SV2C: variants seen among roughly 807,000 people sequenced by gnomAD.
The protein encoded by SV2C is solute carrier family 22 member B3.
Under a neutral mutation model 79.7 loss-of-function variants are expected in SV2C, and 49 were observed. The ratio of observed to expected loss-of-function variants is 0.61; its 90% CI spans 0.49 to 0.78. The LOEUF (loss-of-function observed/expected upper bound fraction) is 0.78. Among genes scored for constraint, SV2C ranks in the 30% least tolerant of loss-of-function variants. The probability of loss-of-function intolerance (pLI) is 0.00; values close to 1 mark genes in which losing one functional copy is unlikely to be tolerated. For missense variants in SV2C, 833 were observed against 912.9 expected (o/e 0.91, Z 1.13); for synonymous variants, 334 against 333.2 (o/e 1.00, Z -0.03).
intron 2 of SV2C, among the ~76,000 whole-genome samples, chr5:76,175,291 C>T (rs1021132885): frequency 2.6e-5 from 4 of 152,154 alleles, no homozygotes; most frequent in African/African-American, 9.7e-5. Flanking sequence ...GGACCTGAAA[C>T]ACAATATGAA....
chr5:75,946,151 T>C, the SV2C span, among the ~76,000 whole-genome samples: 1 of 152,166 alleles, frequency 6.6e-6, no homozygotes, highest in Non-Finnish European at 1.5e-5. Context: ...AGTCTCTACC[T>C]GGATTGACCA....
chr5:76,206,591 A>G (rs1328427289), intron 3 of SV2C, among the ~76,000 whole-genome samples: 2 of 152,252 alleles, frequency 1.3e-5, no homozygotes, highest in Non-Finnish European at 2.9e-5. Flanking sequence ...TCATGAGAAC[A>G]GATTACTCCA....
the SV2C span, among the ~76,000 whole-genome samples, chr5:75,938,221 G>A: frequency 1.3e-4 from 20 of 152,200 alleles, no homozygotes; most frequent in African/African-American, 3.1e-4. Context: ...TGTGTTGCTC[G>A]AGGACTGGTG....
At chr5:76,071,137 C>T in the SV2C span, among the ~76,000 whole-genome samples, 1 of 152,198 alleles carries the variant, frequency 6.6e-6, no homozygotes, top group Non-Finnish European at 1.5e-5. Context: ...CTCCACAGTC[C>T]TCAAACACAG....
At chr5:76,173,425 A>G (rs1412779235) in intron 2 of SV2C, among the ~76,000 whole-genome samples, 5 of 152,220 alleles carry the variant, frequency 3.3e-5, no homozygotes, top group African/African-American at 1.2e-4. Context: ...GGACTATTAT[A>G]TAAGTAAAAA....
At chr5:76,163,025 A>G (rs1013605809) in intron 2 of SV2C, among the ~76,000 whole-genome samples, 2 of 152,216 alleles carry the variant, frequency 1.3e-5, no homozygotes, top group Non-Finnish European at 2.9e-5. Flanking sequence ...AGAGGAATCC[A>G]GTTTAGAGGC....
At chr5:75,875,981 T>C in the SV2C span, among the ~76,000 whole-genome samples, 13 of 151,284 alleles carry the variant, frequency 8.6e-5, no homozygotes, top group African/African-American at 2.9e-4. Flanking sequence ...TTGGTGGGAG[T>C]GTAAATTAAC....
the SV2C span, among the ~76,000 whole-genome samples, chr5:75,866,764 G>A: frequency 0.051 from 7,781 of 152,224 alleles, 684 homozygotes; most frequent in African/African-American, 0.18. Flanking sequence ...TATGCCATAA[G>A]CAGTAAGGCT....
intron 4 of SV2C, among the ~76,000 whole-genome samples, chr5:76,212,390 C>T (rs968055340): frequency 2.6e-5 from 4 of 152,158 alleles, no homozygotes; most frequent in African/African-American, 9.6e-5. Context: ...ATCATCTCTG[C>T]CAACTACTCA....
the SV2C span, among the ~76,000 whole-genome samples, chr5:76,036,100 G>C: frequency 6.6e-6 from 1 of 151,788 alleles, no homozygotes; most frequent in Non-Finnish European, 1.5e-5. Flanking sequence ...TTGCTTGGTA[G>C]ATCTTCCTCC....
At chr5:76,181,186 G>A (rs1332693132) in intron 2 of SV2C, among the ~76,000 whole-genome samples, 1 of 152,014 alleles carries the variant, frequency 6.6e-6, no homozygotes, top group South Asian at 2.1e-4. Flanking sequence ...CAACAGCTCC[G>A]ATCCAACCCT....
In SV2C at chr5:76,194,987, A is replaced by G. The variant is rs1188893343; in HGVS notation, c.649A>G (p.Arg217Gly). Reference protein sequence around the residue: ...FWGGLADKVGRKQSLLICMSV... With the variant: ...FWGGLADKVGGKQSLLICMSV... ...GGGAGGACTGGCAGACAAAGTGGGA[A>G]GGAAACAGTCTCTTCTGATTTGCAT... is the stretch of plus-strand genomic sequence containing the variant. The change falls in exon 3 of 13, where the codon AGG (arginine) becomes GGG (glycine). Residue 217 changes from arginine (R) to glycine (G), a missense_variant. By Grantham distance (125) the Arg-to-Gly change is moderately radical. Coordinates refer to ENST00000502798, the MANE Select transcript of SV2C (RefSeq NM_014979.4). 6.2e-7 allele frequency: 1 copy of G among 1,613,960 alleles called. No homozygotes were observed. The highest frequency in any genetic ancestry group is 1.3e-5 in the African/African-American group (1 of 74,916).
chr5:76,091,325 A>T (rs546590676), intron 1 of SV2C, among the ~76,000 whole-genome samples: 2 of 152,152 alleles, frequency 1.3e-5, no homozygotes, highest in Non-Finnish European at 1.5e-5. Context: ...TCTGACCCCA[A>T]TTGTGGCATT....
intron 4 of SV2C, among the ~76,000 whole-genome samples, chr5:76,241,018 G>C (rs565867809): frequency 6.6e-6 from 1 of 151,904 alleles, no homozygotes; most frequent in African/African-American, 2.4e-5. Flanking sequence ...TGGCAGTGGC[G>C]TGATCTCAGC....
At chr5:75,920,495 C>G in the SV2C span, among the ~76,000 whole-genome samples, 1 of 152,168 alleles carries the variant, frequency 6.6e-6, no homozygotes, top group Non-Finnish European at 1.5e-5. Context: ...ACCACAGCCA[C>G]CCAGTGGGCT....
the SV2C span, among the ~76,000 whole-genome samples, chr5:76,060,985 G>C: frequency 3.4e-4 from 52 of 152,054 alleles, 1 homozygote; most frequent in South Asian, 0.011. Flanking sequence ...CGAGGAGAGG[G>C]AGAAAGACTT....
At chr5:75,887,315 C>T in the SV2C span, among the ~76,000 whole-genome samples, 3 of 151,856 alleles carry the variant, frequency 2.0e-5, no homozygotes, top group Non-Finnish European at 4.4e-5. Context: ...GGACTTATTC[C>T]TCCTGTTTAA....
In SV2C at chr5:76,250,515, C is replaced by A. The variant is rs150114757; in HGVS notation, c.914-34647C>A. Among the ~76,000 whole-genome samples, 17 of 152,290 alleles carry A rather than the reference C, an allele frequency of 1.1e-4. 1 individual carries two copies. Among genetic ancestry groups the A allele is most frequent in the African/African-American group, 3.6e-4 (15 of 41,564 alleles). On this transcript the variant is annotated intron_variant, in intron 4 of 12. Coordinates refer to ENST00000502798, the MANE Select transcript of SV2C (RefSeq NM_014979.4). ...CTGCTTTCCACCCGTGTTCTAGATG[C>A]ATCCAATAGGTTTTACTAGAGGAAA...
At chr5:76,277,313 T>C (rs989468282) in intron 4 of SV2C, among the ~76,000 whole-genome samples, 1 of 152,232 alleles carries the variant, frequency 6.6e-6, no homozygotes, top group Non-Finnish European at 1.5e-5. Context: ...AGCAATTTTA[T>C]TCATAATCAC....
Sources: gnomAD v4.1 joint callset for allele counts (sites outside exome capture counted in the v4.1 genomes callset) on GRCh38, gnomAD v4.1.1 for gene constraint, MANE v1.5 for transcripts, NCBI Gene and HGNC (gene_info 2026-07-23, HGNC 2026-07-21) for gene names.